FBXL7: variants seen among roughly 807,000 people sequenced by gnomAD.
FBXL7 encodes F-box/LRR-repeat protein 7.
In FBXL7, 12 loss-of-function variants were observed where a neutral mutation model predicts 38.3. The ratio of observed to expected loss-of-function variants is 0.31; its 90% confidence interval spans 0.20 to 0.51. The LOEUF is 0.51. Ranked by LOEUF, FBXL7 falls within the 20% of genes least tolerant of loss-of-function variation. FBXL7 has a pLI of 0.98. For missense variants in FBXL7, 567 were observed against 676.4 expected (o/e 0.84, Z 1.79); for synonymous variants, 297 against 300.9 (o/e 0.99, Z 0.13).
chr5:15,782,572 A>T (rs1723487036), intron 2 of FBXL7, among the ~76,000 whole-genome samples: 1 of 152,044 alleles, frequency 6.6e-6, no homozygotes, highest in Non-Finnish European at 1.5e-5. Context: ...TTCTCTAATG[A>T]CCAGTGATGA....
At chr5:15,878,133 C>T (rs897860527) in intron 2 of FBXL7, among the ~76,000 whole-genome samples, 1 of 152,176 alleles carries the variant, frequency 6.6e-6, no homozygotes, top group African/African-American at 2.4e-5. Context: ...TTCAGTTGTT[C>T]TGGCAGGCAC....
chr5:15,517,331 C>T (rs1231011461), intron 1 of FBXL7, among the ~76,000 whole-genome samples: 1 of 152,182 alleles, frequency 6.6e-6, no homozygotes, highest in Non-Finnish European at 1.5e-5. Flanking sequence ...TAATAAAGTA[C>T]TGGAGGAACC....
intron 1 of FBXL7, among the ~76,000 whole-genome samples, chr5:15,567,943 T>TTG (rs1738641938): frequency 2.0e-5 from 3 of 152,172 alleles, no homozygotes; most frequent in Admixed American, 6.5e-5. Context: ...TTTTTATGGC[T>TTG]GCATAGTATT....
chr5:15,548,941 A>T (rs1271880527), intron 1 of FBXL7, among the ~76,000 whole-genome samples: 1 of 152,208 alleles, frequency 6.6e-6, no homozygotes, highest in Non-Finnish European at 1.5e-5. Context: ...ATAAGCTATC[A>T]ATTTACATTG....
intron 2 of FBXL7, among the ~76,000 whole-genome samples, chr5:15,682,141 G>A (rs1265702582): frequency 2.0e-5 from 3 of 152,200 alleles, no homozygotes; most frequent in East Asian, 3.9e-4. Flanking sequence ...GGGGAGCTCT[G>A]CTCCATTGTG....
intron 2 of FBXL7, among the ~76,000 whole-genome samples, chr5:15,654,345 G>T (rs1741806161): frequency 6.6e-6 from 1 of 151,038 alleles, no homozygotes; most frequent in South Asian, 2.1e-4. Context: ...ATGCATTTGT[G>T]CAAGGATGAT....
At chr5:15,518,615 G>A (rs1472796881) in intron 1 of FBXL7, among the ~76,000 whole-genome samples, 1 of 152,150 alleles carries the variant, frequency 6.6e-6, no homozygotes, top group Non-Finnish European at 1.5e-5. Flanking sequence ...TGAGGAGATG[G>A]AAGATTCTAG....
At chr5:15,500,811 G>A in intron 1 of FBXL7, 98 bp downstream of exon 1, 1 of 1,458,270 alleles carries the variant, frequency 6.9e-7, no homozygotes, top group Non-Finnish European at 9.4e-7. Context: ...CCGCGGCCGT[G>A]ACGCACCCCA....
intron 2 of FBXL7, among the ~76,000 whole-genome samples, chr5:15,656,391 G>A (rs1349322743): frequency 1.3e-5 from 2 of 152,152 alleles, no homozygotes; most frequent in Admixed American, 1.3e-4. Context: ...CCACATGGCT[G>A]GGGAATCCTC....
intron 2 of FBXL7, among the ~76,000 whole-genome samples, chr5:15,705,190 A>G (rs1304643010): frequency 3.9e-5 from 6 of 152,214 alleles, no homozygotes; most frequent in African/African-American, 1.4e-4. Flanking sequence ...TGACAGCCTC[A>G]GTGTTAGAGG....
intron 2 of FBXL7, among the ~76,000 whole-genome samples, chr5:15,912,576 G>C (rs1741465899): frequency 1.3e-5 from 2 of 151,990 alleles, no homozygotes; most frequent in African/African-American, 4.8e-5. Context: ...TTTTCCACAA[G>C]TATTTCAGTT....
intron 2 of FBXL7, among the ~76,000 whole-genome samples, chr5:15,735,054 C>T (rs1290375243): frequency 1.3e-5 from 2 of 152,156 alleles, no homozygotes; most frequent in African/African-American, 4.8e-5. Context: ...GCCTCAGCCT[C>T]ACAATTAGGT....
At chr5:15,877,420 G>T (rs1438553699) in intron 2 of FBXL7, among the ~76,000 whole-genome samples, 1 of 152,094 alleles carries the variant, frequency 6.6e-6, no homozygotes, top group Non-Finnish European at 1.5e-5. Flanking sequence ...CCTTCTTGTT[G>T]CCTGTTAATT....
At chr5:15,861,974 G>T (rs1050426845) in intron 2 of FBXL7, among the ~76,000 whole-genome samples, 8 of 152,026 alleles carry the variant, frequency 5.3e-5, no homozygotes, top group Non-Finnish European at 1.0e-4. Flanking sequence ...TCTACTATAG[G>T]CCAGGCATAA....
At chr5:15,625,382 G>A (rs1034916368) in intron 2 of FBXL7, among the ~76,000 whole-genome samples, 2 of 152,078 alleles carry the variant, frequency 1.3e-5, no homozygotes, top group South Asian at 2.1e-4. Context: ...GGCTGGGCAC[G>A]GTGGGTCACA....
chr5:15,529,621 C>A (rs958629143), intron 1 of FBXL7, among the ~76,000 whole-genome samples: 1 of 152,134 alleles, frequency 6.6e-6, no homozygotes, highest in African/African-American at 2.4e-5. Flanking sequence ...ATCTCCTGAC[C>A]TCGTGATCCA....
At chr5:15,647,859 T>C (rs1258559323) in intron 2 of FBXL7, among the ~76,000 whole-genome samples, 1 of 152,214 alleles carries the variant, frequency 6.6e-6, no homozygotes, top group Non-Finnish European at 1.5e-5. Flanking sequence ...AGAAGTACTT[T>C]GCCCAAGCCC....
chr5:15,528,424 T>G (rs1737314031), intron 1 of FBXL7, among the ~76,000 whole-genome samples: 1 of 152,160 alleles, frequency 6.6e-6, no homozygotes, highest in Admixed American at 6.6e-5. Context: ...AAAGACATAC[T>G]GGAGACTGGG....
At chr5:15,535,299 A>G (rs1185041794) in intron 1 of FBXL7, among the ~76,000 whole-genome samples, 2 of 152,248 alleles carry the variant, frequency 1.3e-5, no homozygotes, top group Non-Finnish European at 1.5e-5. Flanking sequence ...TGTGGAAGCA[A>G]CGTTGGAACT....
Sources: allele counts gnomAD v4.1 joint callset (sites outside exome capture counted in the v4.1 genomes callset), GRCh38; gene constraint gnomAD v4.1.1; transcripts MANE v1.5; gene names NCBI Gene and HGNC (gene_info 2026-07-23, HGNC 2026-07-21).